The following PKIB variants were observed in gnomAD, a reference collection of about 807,000 sequenced individuals.
The protein encoded by PKIB is cAMP-dependent protein kinase inhibitor beta.
Under a neutral mutation model 4.5 loss-of-function variants are expected in PKIB, and 2 were observed. That is an observed-to-expected ratio of 0.44 (90% CI 0.18 to 1.39). The LOEUF (loss-of-function observed/expected upper bound fraction) is 1.39. Ranked by LOEUF, PKIB falls within the 40% of genes most tolerant of loss-of-function variation. The pLI, the probability that PKIB is intolerant of heterozygous loss-of-function variation, is 0.27. For missense variants in PKIB, 94 were observed against 92.6 expected (o/e 1.02, Z -0.06); for synonymous variants, 38 against 36.0 (o/e 1.06, Z -0.20).
intron 2 of PKIB, among the ~76,000 whole-genome samples, chr6:122,564,351 T>C (rs537234823): frequency 6.6e-6 from 1 of 152,298 alleles, no homozygotes; most frequent in South Asian, 2.1e-4. Context: ...CTGCCTCCCA[T>C]CTGTCATGAT....
chr6:122,537,136 T>C lies in PKIB; in HGVS notation c.-247-48785T>C, dbSNP rs562307205. The stretch of plus-strand genomic sequence containing the variant: ...ATTCCTCCTAGTTGCTTCTTTATTC[T>C]TCTTTCTGACAGAATCAACTTTATT... On this transcript the variant is annotated intron_variant, in intron 2 of 6. Transcript: ENST00000392491. 2.0e-5 allele frequency among the ~76,000 whole-genome samples: 3 copies of C among 152,226 alleles called. No individual in the cohort carries two copies. The East Asian group carries it at 5.8e-4, about 29-fold the overall frequency.
chr6:122,703,035 T>C (rs1390295267), intron 3 of PKIB, among the ~76,000 whole-genome samples: 1 of 152,174 alleles, frequency 6.6e-6, no homozygotes, highest in Non-Finnish European at 1.5e-5. Context: ...AAGCCATAAT[T>C]GTGCAATAAT....
intron 2 of PKIB, among the ~76,000 whole-genome samples, chr6:122,514,132 A>G (rs1361899003): frequency 1.3e-5 from 2 of 152,256 alleles, no homozygotes; most frequent in Non-Finnish European, 2.9e-5. Context: ...TAAAAGGAAC[A>G]GATTCCAGGG....
intron 3 of PKIB, among the ~76,000 whole-genome samples, chr6:122,593,063 G>A (rs565263627): frequency 6.6e-6 from 1 of 152,264 alleles, no homozygotes; most frequent in East Asian, 1.9e-4. Context: ...GATGGTTAAG[G>A]TGTGTGGTGT....
chr6:122,535,099 C>T (rs111300685), intron 2 of PKIB, among the ~76,000 whole-genome samples: 3 of 152,232 alleles, frequency 2.0e-5, no homozygotes, highest in African/African-American at 7.2e-5. Context: ...TCTCTTCTCT[C>T]TCTCTTCTTT....
At chr6:122,610,690 G>A (rs970423825) in intron 1 of PKIB, among the ~76,000 whole-genome samples, 155 bp downstream of exon 1, 9 of 152,252 alleles carry the variant, frequency 5.9e-5, no homozygotes, top group Non-Finnish European at 1.0e-4. Flanking sequence ...GGGGGAGTTC[G>A]AAGCAGATGC....
At chr6:122,607,272 G>A (rs1330289273), upstream of PKIB, among the ~76,000 whole-genome samples, 3 of 151,180 alleles carry the variant, frequency 2.0e-5, no homozygotes, top group African/African-American at 4.9e-5. Context: ...CCAGGAGTTC[G>A]AGGCCAGCCT....
At chr6:122,614,051 C>T (rs1459939892) in intron 1 of PKIB, among the ~76,000 whole-genome samples, 1 of 149,172 alleles carries the variant, frequency 6.7e-6, no homozygotes, top group African/African-American at 2.5e-5. Context: ...ACTTTTTATT[C>T]TAGCAAGTGG....
At chr6:122,614,908 G>A (rs1005905210) in intron 1 of PKIB, among the ~76,000 whole-genome samples, 1 of 151,942 alleles carries the variant, frequency 6.6e-6, no homozygotes, top group African/African-American at 2.4e-5. Context: ...CTCTACCATG[G>A]AGCTTCTGGA....
chr6:122,641,156 A>G (rs1776105158), intron 2 of PKIB, among the ~76,000 whole-genome samples: 1 of 152,184 alleles, frequency 6.6e-6, no homozygotes, highest in Non-Finnish European at 1.5e-5. Flanking sequence ...TTATACAACC[A>G]TTCCAATATT....
rs539555000 is a variant in PKIB, at chr6:122,476,883, A to G, written c.-336-968A>G. Among the ~76,000 whole-genome samples, 5 of 152,326 alleles carry G rather than the reference A, an allele frequency of 3.3e-5. No homozygotes were observed. In the East Asian group the frequency reaches 9.6e-4, roughly 29 times the overall value. On this transcript the variant is annotated intron_variant, in intron 1 of 6. Transcript: ENST00000392491. ...CCAAAACGTTATTTATTTGTGCTAC[A>G]GAAAGGAATCAACTAGTTCGATTTG...
chr6:122,598,035 A>G (rs576415793), intron 3 of PKIB, among the ~76,000 whole-genome samples: 2 of 152,184 alleles, frequency 1.3e-5, no homozygotes, highest in Non-Finnish European at 2.9e-5. Flanking sequence ...TTACCCTGGT[A>G]AAAGGCTGGA....
chr6:122,537,068 TTTC>T lies in PKIB; in HGVS notation c.-247-48850_-247-48848del, dbSNP rs1200465631. 5.9e-5 allele frequency among the ~76,000 whole-genome samples: 9 copies of T among 152,200 alleles called. No individual in the cohort carries two copies. In the East Asian group the frequency reaches 1.7e-3, roughly 29 times the overall value. On this transcript the variant is annotated intron_variant, in intron 2 of 6. Coordinates refer to the PKIB transcript ENST00000392491. The stretch of plus-strand genomic sequence containing the variant: ...CTGCTGTGGATGCTGGTAAATTTTT[TTTC>T]TTTATACTGGTGCTGCCTTTTCCTC...
intron 2 of PKIB, among the ~76,000 whole-genome samples, chr6:122,548,748 A>G (rs1772580069): frequency 6.6e-6 from 1 of 151,816 alleles, no homozygotes; most frequent in Admixed American, 6.5e-5. Flanking sequence ...AGTACAATTA[A>G]TAATAGCATT....
At chr6:122,615,122 A>G (rs1028795633) in intron 1 of PKIB, among the ~76,000 whole-genome samples, 2 of 152,156 alleles carry the variant, frequency 1.3e-5, no homozygotes, top group Non-Finnish European at 2.9e-5. Context: ...CAGTTCCATC[A>G]TCCTTGAAGA....
At chr6:122,607,607 C>A (rs1396425716), upstream of PKIB, among the ~76,000 whole-genome samples, 1 of 152,194 alleles carries the variant, frequency 6.6e-6, no homozygotes, top group South Asian at 2.1e-4. Flanking sequence ...ACTACTCTGA[C>A]CTTGGAGAAT....
At chr6:122,719,364 A>G (rs914645138) in intron 4 of PKIB, among the ~76,000 whole-genome samples, 2 of 152,206 alleles carry the variant, frequency 1.3e-5, no homozygotes, top group Admixed American at 1.3e-4. Context: ...CAAAGGCATC[A>G]ATTAAGAAAC....
chr6:122,487,183 C>G (rs2114529635), intron 2 of PKIB, among the ~76,000 whole-genome samples: 1 of 152,304 alleles, frequency 6.6e-6, no homozygotes, highest in African/African-American at 2.4e-5. Context: ...AATAGTTTAT[C>G]TGGTCCAGGG....
intron 2 of PKIB, among the ~76,000 whole-genome samples, chr6:122,552,809 C>A (rs1191261705): frequency 1.3e-5 from 2 of 152,108 alleles, no homozygotes; most frequent in African/African-American, 2.4e-5. Flanking sequence ...CTCTTTGCAT[C>A]CAGGGAGCCA....
Sources: gnomAD v4.1 joint callset for allele counts (sites outside exome capture counted in the v4.1 genomes callset) on GRCh38, gnomAD v4.1.1 for gene constraint, MANE v1.5 for transcripts, NCBI Gene and HGNC (gene_info 2026-07-23, HGNC 2026-07-21) for gene names.